Variants in ERICH1 observed in about 807,000 individuals in gnomAD.
ERICH1 encodes the protein glutamate rich 1.
A neutral mutation model predicts 39.6 loss-of-function variants in ERICH1; 56 were observed. The observed-to-expected ratio is 1.41, with a 90% confidence interval of 1.14 to 1.77. ERICH1 has a LOEUF of 1.77. ERICH1 is among the 40% of genes most tolerant of loss of function. The pLI, the probability that ERICH1 is intolerant of heterozygous loss-of-function variation, is 0.00. For missense variants in ERICH1, 826 were observed against 575.4 expected, an observed-to-expected ratio of 1.44 and a Z score of -4.45; for synonymous variants, 313 against 223.6, an observed-to-expected ratio of 1.40 and a Z score of -3.57.
Position 668,637 on chromosome 8 carries a change from C to A in ERICH1, c.1219G>T (p.Ala407Ser). ...CAATGTTCTGGGAACATTTCCAGAGCATGCTTCAATCTCTCAGTATCTTGC... is the reference window on the plus strand; with the variant it reads ...CAATGTTCTGGGAACATTTCCAGAGAATGCTTCAATCTCTCAGTATCTTGC... ...LLQDTERLKH[A>S]LEMFPEHCTM... Residue 407 changes from alanine to serine, a missense_variant, in exon 5 of 6, where the codon GCT becomes TCT. Ala to Ser is a moderately conservative substitution (Grantham distance 99). Transcript: ENST00000262109. 6.2e-7 allele frequency: 1 copy of A among 1,614,228 alleles called. No individual in the cohort carries two copies. The highest frequency in any genetic ancestry group is 8.5e-7 in the Non-Finnish European group (1 of 1,180,056).
At chr8:614,950 G>A (rs1027306399) in exon 4 of ERICH1, 26 of 337,666 alleles carry the variant, frequency 7.7e-5, no homozygotes, top group African/African-American at 4.2e-4. Flanking sequence ...ATTAGGAGAG[G>A]GACAAACTGT....
Position 664,587 on chromosome 8 carries a change from A to C in ERICH1, c.*16T>G, listed in dbSNP as rs773874964. 1 of 1,601,600 alleles carries C rather than the reference A, an allele frequency of 6.2e-7. No individual in the cohort carries two copies. Among genetic ancestry groups the C allele is most frequent in the Non-Finnish European group, 8.5e-7 (1 of 1,175,508 alleles). ...TTTTTGTTAAAGAGGAGCTGTTCTT[A>C]AAGAGATATTCCATTTTAGTCACTG... On this transcript the variant is annotated 3_prime_UTR_variant, in exon 6 of 6. Transcript: ENST00000262109.
At chr8:731,114 C>T in intron 1 of ERICH1, 26 bp downstream of exon 1, 1 of 1,488,956 alleles carries the variant, frequency 6.7e-7, no homozygotes, top group Non-Finnish European at 8.9e-7. Flanking sequence ...GGGGTCTGGG[C>T]AGGCCTCCGC....
At position 724,297 on chromosome 8, in the gene ERICH1, G is replaced by T. The variant is rs576585422; in HGVS notation, c.22+6843C>A. Among the ~76,000 whole-genome samples the T allele has an allele frequency of 1.7e-4, 26 of 152,322 alleles. No homozygotes were observed. The East Asian group carries it at 3.9e-3, about 23-fold the overall frequency. On this transcript the variant is annotated intron_variant, in intron 1 of 5. Coordinates refer to ENST00000262109, the MANE Select transcript of ERICH1 (RefSeq NM_207332.3). ...GGAGAACCAGCCCGGACAACATAGT[G>T]AGATCCGATCTCTACAAATAAAAAA...
chr8:699,755 A>G lies in ERICH1; in HGVS notation c.170-7143T>C, dbSNP rs567042063. Among the ~76,000 whole-genome samples, 208 of 141,634 alleles carry G rather than the reference A, an allele frequency of 1.5e-3. 2 individuals carry two copies. The highest frequency in any genetic ancestry group is 2.4e-3 in the Non-Finnish European group (158 of 66,548). The allele number at this position is 141,634 out of a possible 152,430, so 92.9% of individuals were successfully genotyped here. A position where few individuals can be genotyped will look rare whatever the true frequency, so the allele number is the denominator to read the frequency against. On this transcript the variant is annotated intron_variant, in intron 2 of 5. Coordinates refer to ENST00000262109, the MANE Select transcript of ERICH1 (RefSeq NM_207332.3). ...CAGGCGCACAGACACGCACACGTGC[A>G]CACTCACACAGCCGCACAGACCCGC...
chr8:662,682 A>C (rs1801603389), downstream of ERICH1, among the ~76,000 whole-genome samples: 1 of 152,220 alleles, frequency 6.6e-6, no homozygotes, highest in African/African-American at 2.4e-5. Context: ...TAAAAAAAGA[A>C]GCATTTAAAC....
chr8:620,800 T>G (rs1409025031), intron 3 of ERICH1, among the ~76,000 whole-genome samples: 1 of 151,840 alleles, frequency 6.6e-6, no homozygotes, highest in African/African-American at 2.4e-5. Flanking sequence ...CTGGTGAAAT[T>G]GAAGGGAGAA....
chr8:617,296 A>T lies in ERICH1; in HGVS notation c.977-2012T>A, dbSNP rs1796982036. Among the ~76,000 whole-genome samples, 3 of 152,280 alleles carry T rather than the reference A, an allele frequency of 2.0e-5. No individual in the cohort carries two copies. In the South Asian group the frequency reaches 6.2e-4, roughly 32 times the overall value. ...CAGAATGTTCCTGGTGGTTCAGGGC[A>T]GCTCAGAGGATGCCTCCTCAGAGGG... On this transcript the variant is annotated intron_variant, in intron 3 of 3. Coordinates refer to the ERICH1 transcript ENST00000522706.
At chr8:659,866 C>T (rs552196607), downstream of ERICH1, among the ~76,000 whole-genome samples, 4 of 75,752 alleles carry the variant, frequency 5.3e-5, 1 homozygote, top group East Asian at 4.8e-4. Context: ...TCGAGATCTC[C>T]AGTGTGCACT....
chr8:674,196 A>C, intron 3 of ERICH1, 149 bp from the exon 4 acceptor site: 1 of 919,992 alleles, frequency 1.1e-6, no homozygotes, highest in Non-Finnish European at 1.6e-6. Context: ...CTTTACCATC[A>C]AAGATCCTAG....
intron 2 of ERICH1, among the ~76,000 whole-genome samples, chr8:699,126 C>CA (rs1455460398): frequency 1.3e-5 from 2 of 152,052 alleles, no homozygotes; most frequent in Non-Finnish European, 2.9e-5. Context: ...AAAAACCCCC[C>CA]AAACCCACTA....
chr8:675,855 G>A (rs868800105), intron 3 of ERICH1, among the ~76,000 whole-genome samples: 84 of 7,626 alleles, frequency 0.011, no homozygotes, highest in Non-Finnish European at 0.014. Context: ...GAGGACAGAG[G>A]CGCGGCGGCC....
intron 3 of ERICH1, chr8:627,352 C>T (rs915450004): frequency 2.6e-6 from 1 of 389,924 alleles, no homozygotes; most frequent in Non-Finnish European, 5.3e-6. Flanking sequence ...TCTCCCATTC[C>T]TGGACAGGAA....
intron 3 of ERICH1, among the ~76,000 whole-genome samples, chr8:617,517 C>G (rs552258766): frequency 7.2e-5 from 11 of 152,168 alleles, no homozygotes; most frequent in African/African-American, 2.4e-4. Flanking sequence ...GGGCTTGGTG[C>G]TTGGTCCATC....
intron 3 of ERICH1, among the ~76,000 whole-genome samples, chr8:691,362 T>G (rs28678432): frequency 0.23 from 34,823 of 152,080 alleles, 4,078 homozygotes; most frequent in East Asian, 0.42. Context: ...ACAGCCTGTC[T>G]GGGAAGCAGT....
chr8:685,985 A>C (rs1807252384), intron 3 of ERICH1, among the ~76,000 whole-genome samples: 1 of 89,728 alleles, frequency 1.1e-5, no homozygotes, highest in Non-Finnish European at 2.2e-5. Context: ...TCTCTACTAA[A>C]AAATACCAAA....
At chr8:643,977 C>T (rs1622820) in intron 3 of ERICH1, among the ~76,000 whole-genome samples, 57,757 of 152,204 alleles carry the variant, frequency 0.38, 11,139 homozygotes, top group South Asian at 0.46. Flanking sequence ...GTGGGCCTGA[C>T]GGGGCGGGGG....
At chr8:670,133 T>C (rs1802955291) in intron 4 of ERICH1, among the ~76,000 whole-genome samples, 1 of 152,188 alleles carries the variant, frequency 6.6e-6, no homozygotes. Flanking sequence ...TAATTCTCTT[T>C]TATACCAACT....
At chr8:633,916 C>G (rs1018080365) in intron 3 of ERICH1, among the ~76,000 whole-genome samples, 1 of 152,152 alleles carries the variant, frequency 6.6e-6, no homozygotes, top group Non-Finnish European at 1.5e-5. Context: ...AATGTGAGAC[C>G]TAAACCTCTC....
Sources: gnomAD v4.1 joint callset for allele counts (sites outside exome capture counted in the v4.1 genomes callset) on GRCh38, gnomAD v4.1.1 for gene constraint, MANE v1.5 for transcripts, NCBI Gene and HGNC (gene_info 2026-07-23, HGNC 2026-07-21) for gene names.